Variants in SNX2 observed in about 807,000 individuals in gnomAD.
SNX2 encodes the protein sorting nexin 2.
In SNX2, 25 loss-of-function variants were observed where a neutral mutation model predicts 69.9. The observed-to-expected ratio is 0.36, with a 90% CI of 0.26 to 0.50. The LOEUF is 0.50. Among genes scored for constraint, SNX2 ranks in the 20% least tolerant of loss-of-function variants. The pLI, the probability that SNX2 is intolerant of heterozygous loss-of-function variation, is 0.97. For missense variants in SNX2, 551 were observed against 613.3 expected (o/e 0.90, Z 1.07); for synonymous variants, 229 against 200.4 (o/e 1.14, Z -1.20).
intron 7 of SNX2, among the ~76,000 whole-genome samples, chr5:122,809,413 C>T (rs1051781623): frequency 1.4e-4 from 22 of 152,290 alleles, no homozygotes; most frequent in African/African-American, 5.3e-4. Context: ...GAAGACTTGT[C>T]TTCCTTGAAG....
intron 6 of SNX2, among the ~76,000 whole-genome samples, chr5:122,804,459 G>A (rs1310531287): frequency 1.3e-5 from 2 of 150,156 alleles, no homozygotes; most frequent in Non-Finnish European, 3.0e-5. Context: ...TCCGCCTCCT[G>A]GGTTTAAGTG....
chr5:122,802,828 T>A (rs140596289), intron 5 of SNX2, among the ~76,000 whole-genome samples: 1 of 152,164 alleles, frequency 6.6e-6, no homozygotes, highest in Non-Finnish European at 1.5e-5. Context: ...TCTTGAGTTA[T>A]GTAGGCGGTA....
At chr5:122,825,319 G>T (rs1254178779) in intron 11 of SNX2, among the ~76,000 whole-genome samples, 1 of 151,868 alleles carries the variant, frequency 6.6e-6, no homozygotes, top group Admixed American at 6.6e-5. Context: ...TTTTTTTCAT[G>T]AGACTTCTAA....
intron 5 of SNX2, among the ~76,000 whole-genome samples, chr5:122,802,376 AG>A (rs915584348): frequency 1.3e-4 from 20 of 152,022 alleles, no homozygotes; most frequent in East Asian, 1.2e-3. Flanking sequence ...GATGGGGAGG[AG>A]GGGGGGAAGA....
intron 12 of SNX2, 41 bp downstream of exon 12, chr5:122,826,234 A>T (rs371397879): frequency 7.0e-5 from 109 of 1,567,568 alleles, no homozygotes; most frequent in Non-Finnish European, 5.2e-6. Context: ...TAAGTTTTGC[A>T]TGAGTCATTC....
intron 11 of SNX2, among the ~76,000 whole-genome samples, chr5:122,824,607 G>T (rs1325750992): frequency 1.3e-5 from 2 of 152,104 alleles, no homozygotes; most frequent in Non-Finnish European, 2.9e-5. Context: ...CTTTTGTCCT[G>T]GTTAATTTAA....
chr5:122,822,185 C>T (rs1754040396), intron 11 of SNX2, among the ~76,000 whole-genome samples: 1 of 152,110 alleles, frequency 6.6e-6, no homozygotes, highest in Non-Finnish European at 1.5e-5. Flanking sequence ...CCTCCGCCTC[C>T]TAGGTTCAAG....
chr5:122,818,761 A>G (rs1753954139), intron 10 of SNX2, 57 bp from the exon 11 acceptor site: 5 of 1,425,068 alleles, frequency 3.5e-6, no homozygotes, highest in South Asian at 2.6e-5. Context: ...AATCAATACA[A>G]TATTTTAAAA....
At chr5:122,806,120 GTATA>G (rs1491449932) in intron 6 of SNX2, among the ~76,000 whole-genome samples, 3 of 83,504 alleles carry the variant, frequency 3.6e-5, no homozygotes, top group African/African-American at 1.2e-4. Flanking sequence ...GTGCGTGTGT[GTATA>G]TATATACACA....
chr5:122,802,564 G>C (rs1753540216), intron 5 of SNX2, among the ~76,000 whole-genome samples: 1 of 152,196 alleles, frequency 6.6e-6, no homozygotes, highest in African/African-American at 2.4e-5. Context: ...GAGTATAATG[G>C]AGAGCCATTA....
In SNX2 at chr5:122,801,850, A is replaced by T. The variant is rs1396598497; in HGVS notation, c.391-19A>T. ...TAAATTATAATTTTTAATGCCAAAA[A>T]ATAATTTATACTTTCTAGATTGAAG... On this transcript the variant is annotated intron_variant, in intron 3 of 14. Transcript: ENST00000379516. The T allele has an allele frequency of 6.9e-7, 1 of 1,457,562 alleles. No homozygotes were observed. The highest frequency in any genetic ancestry group is 9.5e-7 in the Non-Finnish European group (1 of 1,056,200). 90.3% of individuals were successfully genotyped at this position (1,457,562 alleles called of 1,614,324 possible). A position where few individuals can be genotyped will look rare whatever the true frequency, so the allele number is the denominator to read the frequency against.
chr5:122,807,274 A>G (rs947536893), intron 6 of SNX2, among the ~76,000 whole-genome samples: 2 of 152,174 alleles, frequency 1.3e-5, no homozygotes, highest in East Asian at 3.9e-4. Context: ...AAAAGAAAAA[A>G]AAAAGGGTAT....
At chr5:122,811,829 A>ATAAATAAATAAATAAAT (rs1753783731) in intron 7 of SNX2, among the ~76,000 whole-genome samples, 1 of 142,878 alleles carries the variant, frequency 7.0e-6, no homozygotes, top group Admixed American at 7.2e-5. Flanking sequence ...CCGTCTCTAA[A>ATAAATAAATAAATAAAT]TAAATAAATA....
intron 7 of SNX2, among the ~76,000 whole-genome samples, chr5:122,814,272 G>C (rs1025085689): frequency 1.3e-5 from 2 of 152,154 alleles, no homozygotes; most frequent in African/African-American, 4.8e-5. Context: ...AAAATTGTAA[G>C]TCAAATTCAA....
rs1338777478 is a variant in SNX2 at position 122,832,691 on chromosome 5, G to A, written c.*3043G>A. The A allele has an allele frequency of 6.6e-6, 1 of 152,142 alleles. No homozygotes were observed. Among genetic ancestry groups the A allele is most frequent in the South Asian group, 2.1e-4 (1 of 4,824 alleles). The allele number at this position is 152,142 out of a possible 1,614,324, so 9.4% of individuals were successfully genotyped here. On this transcript the variant is annotated 3_prime_UTR_variant, in exon 15 of 15. Transcript: ENST00000379516. ...TTAACATAATCAGCTTTCTTTAAAG[G>A]AGGAAGTCAGATGAGTAGAGAAGGA...
chr5:122,781,906 T>G (rs1469149386), intron 1 of SNX2, among the ~76,000 whole-genome samples: 4 of 152,088 alleles, frequency 2.6e-5, no homozygotes, highest in Non-Finnish European at 4.4e-5. Context: ...AGCTCCTTGC[T>G]TTCTAATTCC....
rs377104505 is a variant in SNX2 at position 122,827,463 on chromosome 5, T to C, written c.1437+4T>C. The stretch of plus-strand genomic sequence containing the variant: ...AAAAGAAGTGGGAAGATTTGAGGCA[T>C]GTATAATAATTTTGCATTTATCTTA... On this transcript the variant is annotated splice_donor_region_variant and intron_variant, in intron 13 of 14. Transcript: ENST00000379516. The C allele has an allele frequency of 2.1e-5, 34 of 1,612,536 alleles. No homozygotes were observed. The Admixed American group carries it at 2.8e-4, about 13-fold the overall frequency.
At position 122,827,562 on chromosome 5, in the gene SNX2, T is replaced by C. The variant is rs1754179167; in HGVS notation, c.1438-13T>C. On this transcript the variant is annotated splice_polypyrimidine_tract_variant and intron_variant, in intron 13 of 14. Transcript: ENST00000379516. ...CTTTCTACTAACGGACTTTTTAAAA[T>C]GTACTTCAACAGAAAGAACGAGTGA... 6.2e-7 allele frequency: 1 copy of C among 1,611,682 alleles called. No individual in the cohort carries two copies. The highest frequency in any genetic ancestry group is 8.5e-7 in the Non-Finnish European group (1 of 1,178,284).
intron 1 of SNX2, among the ~76,000 whole-genome samples, chr5:122,784,530 C>T (rs1176409200): frequency 1.3e-5 from 2 of 151,346 alleles, no homozygotes; most frequent in Non-Finnish European, 2.9e-5. Flanking sequence ...TTTTAAGCCC[C>T]ACCCTCAGAA....
Sources: allele counts gnomAD v4.1 joint callset (sites outside exome capture counted in the v4.1 genomes callset), GRCh38; gene constraint gnomAD v4.1.1; transcripts MANE v1.5; gene names NCBI Gene and HGNC (gene_info 2026-07-23, HGNC 2026-07-21).